Variants in TTLL8 observed in about 807,000 individuals in gnomAD.
The protein encoded by TTLL8 is tubulin tyrosine ligase like 8, also known as protein monoglycylase TTLL8.
TTLL8 carries 65 observed loss-of-function variants against 77.8 expected under a neutral mutation model. That is an observed-to-expected ratio of 0.84 (90% CI 0.68 to 1.03). TTLL8 has a LOEUF of 1.03. Among genes scored for constraint, TTLL8 ranks in the 50% least tolerant of loss-of-function variants. The probability of loss-of-function intolerance (pLI) is 0.00; values close to 1 mark genes in which losing one functional copy is unlikely to be tolerated. For missense variants in TTLL8, 910 were observed against 1,004.5 expected (o/e 0.91, Z 1.27); for synonymous variants, 402 against 422.8 (o/e 0.95, Z 0.60).
chr22:50,040,431 A>G (rs1325412267), intron 8 of TTLL8, among the ~76,000 whole-genome samples: 1 of 152,272 alleles, frequency 6.6e-6, no homozygotes, highest in Non-Finnish European at 1.5e-5. Flanking sequence ...ACGAGAGAGC[A>G]CAGACTGTTC....
intron 2 of TTLL8, 42 bp downstream of exon 4, chr22:50,050,067 C>A (rs377626854): frequency 2.8e-5 from 38 of 1,354,198 alleles, no homozygotes; most frequent in Non-Finnish European, 3.7e-5. Context: ...CCGTGACAGA[C>A]GCACACGCCC....
intron 12 of TTLL8, among the ~76,000 whole-genome samples, chr22:50,019,605 T>TG (rs1161676285): frequency 6.6e-6 from 1 of 152,112 alleles, no homozygotes; most frequent in Non-Finnish European, 1.5e-5. Flanking sequence ...GAGGGACTGA[T>TG]GGGGGGTGCA....
chr22:50,030,547 C>T (rs761919512), exon 12 of TTLL8: 5 of 1,319,506 alleles, frequency 3.8e-6, no homozygotes, highest in Admixed American at 4.4e-5. Context: ...GGCTGGGCTA[C>T]GGGGACACCG....
At position 50,031,683 on chromosome 22, in the gene TTLL8, C is replaced by T. The variant is rs755149976; in HGVS notation, c.1707+3G>A. 3.1e-6 allele frequency: 4 copies of T among 1,278,360 alleles called. No homozygotes were observed. The East Asian group carries it at 1.6e-4, about 50-fold the overall frequency. 79.2% of individuals were successfully genotyped at this position (1,278,360 alleles called of 1,614,324 possible). On this transcript the variant is annotated splice_donor_region_variant and intron_variant, in intron 11 of 13. Coordinates refer to ENST00000266182, the Ensembl canonical transcript of TTLL8. ...AAAGTCCCCAGGGGCGGGCGTGGCT[C>T]ACCTGCCTCCACAGGAGCTCGAAGT...
chr22:50,048,019 C>A (rs1033639611), intron 3 of TTLL8, among the ~76,000 whole-genome samples: 1 of 152,126 alleles, frequency 6.6e-6, no homozygotes, highest in African/African-American at 2.4e-5. Flanking sequence ...ATCACTTGAA[C>A]CCAGGAGGCA....
intron 8 of TTLL8, among the ~76,000 whole-genome samples, chr22:50,040,931 G>A (rs1310215197): frequency 1.3e-5 from 2 of 152,152 alleles, no homozygotes; most frequent in African/African-American, 4.8e-5. Flanking sequence ...CCCTCAGCAG[G>A]GGGCAAGAAG....
intron 12 of TTLL8, among the ~76,000 whole-genome samples, chr22:50,022,258 G>GATGTGTACTCCTCCA (rs2061207890): frequency 7.3e-6 from 1 of 136,320 alleles, no homozygotes; most frequent in South Asian, 2.4e-4. Context: ...GTACTCCTCC[G>GATGTGTACTCCTCCA]TCTGATGTGC....
intron 1 of TTLL8, among the ~76,000 whole-genome samples, chr22:50,053,882 G>A (rs757463814): frequency 1.2e-4 from 19 of 152,120 alleles, no homozygotes; most frequent in African/African-American, 2.2e-4. Context: ...TCTGCTCTCC[G>A]TCCGGGTGTG....
At chr22:50,036,221 C>T (rs1419298107) in intron 8 of TTLL8, among the ~76,000 whole-genome samples, 1 of 152,214 alleles carries the variant, frequency 6.6e-6, no homozygotes, top group Non-Finnish European at 1.5e-5. Context: ...GAGAGACCCC[C>T]TCCGGCAGCA....
In TTLL8 at chr22:50,041,064, G is replaced by A. The variant is rs1050218089; in HGVS notation, c.921+123C>T. 4 of 335,588 alleles carry A rather than the reference G, an allele frequency of 1.2e-5. No individual in the cohort carries two copies. Among genetic ancestry groups the A allele is most frequent in the South Asian group, 2.6e-5 (1 of 38,654 alleles). The allele number at this position is 335,588 out of a possible 1,614,324, so 20.8% of individuals were successfully genotyped here. On this transcript the variant is annotated intron_variant, in intron 8 of 13. Transcript: ENST00000266182. The surrounding 1 kb of genome is among the most constrained non-coding windows in gnomAD (Gnocchi z 4.3). ...CACCAGCTGCCAAGCTCTGGGCCTCGGCACACCTCTGCCAGTCACTCGCCA... is the reference window on the plus strand; with the variant it reads ...CACCAGCTGCCAAGCTCTGGGCCTCAGCACACCTCTGCCAGTCACTCGCCA...
upstream of TTLL8, among the ~76,000 whole-genome samples, chr22:50,055,941 G>A: frequency 6.6e-6 from 1 of 152,172 alleles, no homozygotes; most frequent in Non-Finnish European, 1.5e-5. Flanking sequence ...GATGAGATAG[G>A]AGGTCGGCAC....
chr22:50,035,433 T>G (rs1269028604), intron 8 of TTLL8, among the ~76,000 whole-genome samples: 4 of 152,134 alleles, frequency 2.6e-5, no homozygotes, highest in Non-Finnish European at 4.4e-5. Context: ...ACTGTGGAAC[T>G]GTGGCCGGGG....
chr22:50,033,297 G>C (rs1243817140), exon 10 of TTLL8: 19 of 1,364,322 alleles, frequency 1.4e-5, no homozygotes, highest in Non-Finnish European at 1.5e-5. Context: ...CCGTGACGAG[G>C]AACCACTGTC....
At chr22:50,050,201 G>C (rs767920264) in exon 2 of TTLL8, 2 of 1,360,088 alleles carry the variant, frequency 1.5e-6, no homozygotes, top group African/African-American at 3.0e-5. Context: ...TCGCAGAGCG[G>C]CCCGGACCAC....
At chr22:50,024,657 A>T (rs1247501991) in intron 12 of TTLL8, among the ~76,000 whole-genome samples, 1 of 152,246 alleles carries the variant, frequency 6.6e-6, no homozygotes, top group Non-Finnish European at 1.5e-5. Flanking sequence ...AATTCAGGGC[A>T]TATACACAGA....
At chr22:50,047,801 T>C (rs1347980376) in intron 3 of TTLL8, among the ~76,000 whole-genome samples, 1 of 152,138 alleles carries the variant, frequency 6.6e-6, no homozygotes, top group Non-Finnish European at 1.5e-5. Flanking sequence ...ATGTGTTAAG[T>C]CAAAATTCCA....
At chr22:50,040,085 A>G (rs987421562) in intron 8 of TTLL8, among the ~76,000 whole-genome samples, 2 of 147,146 alleles carry the variant, frequency 1.4e-5, no homozygotes, top group African/African-American at 2.5e-5. Context: ...CACATGTGCC[A>G]GCATGGATGG....
Position 50,041,662 on chromosome 22 carries a change from G to A in TTLL8, c.789C>T (p.Ala263=), listed in dbSNP as rs777843447. ...ACTGCTGGGTCAGGTCCTCCCACTCGGCCTCAGTGAGGTCCTCCACGGCAT... is the reference window on the plus strand; with the variant it reads ...ACTGCTGGGTCAGGTCCTCCCACTCAGCCTCAGTGAGGTCCTCCACGGCAT... Residue 263 remains alanine (A), a synonymous_variant, in exon 7 of 14, where the codon GCC becomes GCT. Transcript: ENST00000266182. The surrounding 1 kb of genome is among the most constrained non-coding windows in gnomAD (Gnocchi z 4.3). 17 of 1,366,586 alleles carry A rather than the reference G, an allele frequency of 1.2e-5. No homozygotes were observed. The highest frequency in any genetic ancestry group is 3.0e-5 in the African/African-American group (2 of 67,698). The allele number at this position is 1,366,586 out of a possible 1,614,324, so 84.7% of individuals were successfully genotyped here.
chr22:50,027,862 C>T, intron 12 of TTLL8: 1 of 946,914 alleles, frequency 1.1e-6, no homozygotes, highest in Non-Finnish European at 1.3e-6. Context: ...CCGGCCGTGC[C>T]CTCGAGGGCC....
Sources: gnomAD v4.1 joint callset for allele counts (sites outside exome capture counted in the v4.1 genomes callset) on GRCh38, gnomAD v4.1.1 for gene constraint, Gnocchi (gnomAD v3.1) non-coding constraint, MANE v1.5 for transcripts, NCBI Gene and HGNC (gene_info 2026-07-23, HGNC 2026-07-21) for gene names.